CDH2: variants seen among roughly 807,000 people sequenced by gnomAD.
The protein encoded by CDH2 is cadherin-2.
A neutral mutation model predicts 92.0 loss-of-function variants in CDH2; 17 were observed. The ratio of observed to expected loss-of-function variants is 0.18; its 90% CI spans 0.13 to 0.28. CDH2 has a LOEUF of 0.28. Ranked by LOEUF, CDH2 falls within the 10% of genes least tolerant of loss-of-function variation. The pLI is 1.00. For synonymous variants in CDH2, 419 were observed against 415.9 expected (o/e 1.01, Z -0.09); for missense variants, 862 against 1,133.1 (o/e 0.76, Z 3.44).
chr18:28,139,313 C>A (rs1267769232), intron 2 of CDH2, among the ~76,000 whole-genome samples: 1 of 152,022 alleles, frequency 6.6e-6, no homozygotes, highest in African/African-American at 2.4e-5. Flanking sequence ...CCACTGGATT[C>A]TTTGACCTCA....
At chr18:28,091,888 A>G (rs1208562361) in intron 2 of CDH2, among the ~76,000 whole-genome samples, 1 of 152,014 alleles carries the variant, frequency 6.6e-6, no homozygotes, top group African/African-American at 2.4e-5. Flanking sequence ...AGAAATGTGT[A>G]TTCTCACAAT....
intron 2 of CDH2, among the ~76,000 whole-genome samples, chr18:28,020,151 T>G (rs1348474530): frequency 6.6e-6 from 1 of 152,122 alleles, no homozygotes; most frequent in Non-Finnish European, 1.5e-5. Flanking sequence ...GCTAGGAATA[T>G]CTTCTTGAAT....
intron 2 of CDH2, among the ~76,000 whole-genome samples, chr18:28,078,702 C>G (rs572437806): frequency 6.6e-6 from 1 of 151,090 alleles, no homozygotes; most frequent in South Asian, 2.1e-4. Flanking sequence ...GCATGAAATA[C>G]CCTTCTCTAG....
At chr18:28,015,174 C>T (rs974547415) in intron 2 of CDH2, among the ~76,000 whole-genome samples, 17 of 152,264 alleles carry the variant, frequency 1.1e-4, no homozygotes, top group South Asian at 2.1e-4. Flanking sequence ...TTCACTGAGA[C>T]GTGCACACAG....
At chr18:28,176,320 G>A (rs1193177316) in intron 1 of CDH2, among the ~76,000 whole-genome samples, 2 of 152,168 alleles carry the variant, frequency 1.3e-5, no homozygotes, top group African/African-American at 2.4e-5. Context: ...GGCGCTGACC[G>A]GCAGAGACTC....
At chr18:28,073,487 T>C (rs554269699) in intron 2 of CDH2, among the ~76,000 whole-genome samples, 78 of 152,176 alleles carry the variant, frequency 5.1e-4, no homozygotes, top group Non-Finnish European at 8.5e-4. Context: ...CTATTTTAAA[T>C]TCTGCTTTTA....
rs1312333389 is a variant in CDH2 at position 28,170,385 on chromosome 18, G to A, written c.60+6578C>T. Among the ~76,000 whole-genome samples, 4 of 152,012 alleles carry A rather than the reference G, an allele frequency of 2.6e-5. No individual in the cohort carries two copies. The South Asian group carries it at 6.2e-4, about 24-fold the overall frequency. Reference sequence around the variant, plus strand: ...TTTTGAGGTGGAGTCTCGCTCTGTTGCCCAGGCTGGAGTGCAGTGGCATGA... The same window carrying A: ...TTTTGAGGTGGAGTCTCGCTCTGTTACCCAGGCTGGAGTGCAGTGGCATGA... On this transcript the variant is annotated intron_variant, in intron 1 of 15. Coordinates refer to ENST00000269141, the MANE Select transcript of CDH2 (RefSeq NM_001792.5).
At chr18:27,977,000 T>C (rs1053876932) in intron 14 of CDH2, among the ~76,000 whole-genome samples, 4 of 152,144 alleles carry the variant, frequency 2.6e-5, no homozygotes, top group Admixed American at 2.0e-4. Flanking sequence ...CAAAGATCAT[T>C]GAAAGCGATA....
chr18:28,033,113 T>C (rs193026033), intron 2 of CDH2, among the ~76,000 whole-genome samples: 21 of 152,158 alleles, frequency 1.4e-4, no homozygotes, highest in African/African-American at 3.9e-4. Context: ...CAGTAGGGTA[T>C]AGACAAAAGA....
intron 6 of CDH2, among the ~76,000 whole-genome samples, chr18:27,934,028 T>C (rs2143826921): frequency 6.6e-6 from 1 of 152,342 alleles, no homozygotes; most frequent in African/African-American, 2.4e-5. Context: ...AGTTTTTCTC[T>C]CACAACTGTG....
chr18:28,160,499 G>T (rs554587965), intron 1 of CDH2, among the ~76,000 whole-genome samples: 6 of 152,174 alleles, frequency 3.9e-5, no homozygotes, highest in Non-Finnish European at 7.3e-5. Flanking sequence ...TGGGCAAGGT[G>T]GGGACAGCAT....
Position 27,970,313 on chromosome 18 carries a change from G to A in CDH2, c.2350-6792C>T, listed in dbSNP as rs566187329. Among the ~76,000 whole-genome samples the A allele has an allele frequency of 3.3e-5, 5 of 152,190 alleles. No homozygotes were observed. The East Asian group carries it at 7.7e-4, about 24-fold the overall frequency. ...ATGTTGGGTTCCATGTTTTCACCTCGAGTTCCAATTTCTTCTTGCAAAAAA... is the reference window on the plus strand; with the variant it reads ...ATGTTGGGTTCCATGTTTTCACCTCAAGTTCCAATTTCTTCTTGCAAAAAA... On this transcript the variant is annotated intron_variant, in intron 14 of 15. Transcript: ENST00000269141.
intron 2 of CDH2, among the ~76,000 whole-genome samples, chr18:28,072,945 C>T (rs2014647999): frequency 7.8e-6 from 1 of 128,442 alleles, no homozygotes; most frequent in East Asian, 2.3e-4. Flanking sequence ...CACATATATA[C>T]TCACACATAC....
At chr18:28,156,858 G>C (rs986895446) in intron 1 of CDH2, among the ~76,000 whole-genome samples, 2 of 151,672 alleles carry the variant, frequency 1.3e-5, no homozygotes, top group Non-Finnish European at 2.9e-5. Context: ...CTTCCCAGGA[G>C]TAGAGCCTAT....
intron 1 of CDH2, among the ~76,000 whole-genome samples, chr18:28,158,100 C>T (rs372942019): frequency 1.3e-5 from 2 of 152,112 alleles, no homozygotes; most frequent in East Asian, 1.9e-4. Flanking sequence ...TTACAGTCCC[C>T]GGAACTCTGA....
At chr18:28,076,376 T>C (rs1447924187) in intron 2 of CDH2, among the ~76,000 whole-genome samples, 1 of 152,168 alleles carries the variant, frequency 6.6e-6, no homozygotes, top group East Asian at 1.9e-4. Context: ...CACTGAGACT[T>C]ATATTCTAAT....
intron 2 of CDH2, among the ~76,000 whole-genome samples, chr18:28,066,392 C>T (rs544816507): frequency 4.3e-4 from 66 of 152,186 alleles, no homozygotes; most frequent in Non-Finnish European, 7.8e-4. Flanking sequence ...AGGTTGCCAC[C>T]TTTAGCACAA....
At chr18:28,162,036 T>G (rs892905396) in intron 1 of CDH2, among the ~76,000 whole-genome samples, 2 of 152,216 alleles carry the variant, frequency 1.3e-5, no homozygotes, top group Admixed American at 6.5e-5. Context: ...TTCTCTAACC[T>G]TGTCTTTATC....
intron 1 of CDH2, among the ~76,000 whole-genome samples, chr18:28,157,729 C>T (rs138483824): frequency 3.9e-5 from 6 of 152,040 alleles, no homozygotes; most frequent in South Asian, 2.1e-4. Flanking sequence ...TTCTCGCATA[C>T]GATATGTGAT....
Sources: gnomAD v4.1 joint callset for allele counts (sites outside exome capture counted in the v4.1 genomes callset) on GRCh38, gnomAD v4.1.1 for gene constraint, MANE v1.5 for transcripts, NCBI Gene and HGNC (gene_info 2026-07-23, HGNC 2026-07-21) for gene names.